C8orf34: variants seen among roughly 807,000 people sequenced by gnomAD.
The protein encoded by C8orf34 is uncharacterized protein C8orf34.
Under a neutral mutation model 68.3 loss-of-function variants are expected in C8orf34, and 65 were observed. The observed-to-expected ratio is 0.95, with a 90% CI of 0.78 to 1.17. The LOEUF is 1.17. Ranked by LOEUF, C8orf34 falls within the 50% of genes most tolerant of loss-of-function variation. C8orf34 has a pLI of 0.00. For missense variants in C8orf34, 664 were observed against 655.4 expected (o/e 1.01, Z -0.14); for synonymous variants, 244 against 241.2 (o/e 1.01, Z -0.11).
intron 7 of C8orf34, among the ~76,000 whole-genome samples, chr8:68,561,828 C>A (rs1816439697): frequency 6.6e-6 from 1 of 152,126 alleles, no homozygotes; most frequent in African/African-American, 2.4e-5. Flanking sequence ...CACACATTAG[C>A]CTGGGCCTAC....
At chr8:68,727,004 G>A (rs1821849240) in intron 10 of C8orf34, among the ~76,000 whole-genome samples, 3 of 152,058 alleles carry the variant, frequency 2.0e-5, no homozygotes, top group African/African-American at 7.2e-5. Context: ...CACCTTCCCA[G>A]CAGTGCCCCA....
At chr8:68,467,158 A>G (rs1202172672) in intron 3 of C8orf34, among the ~76,000 whole-genome samples, 1 of 151,960 alleles carries the variant, frequency 6.6e-6, no homozygotes, top group Non-Finnish European at 1.5e-5. Flanking sequence ...CTTGTGCTCC[A>G]AACTCTAACC....
intron 7 of C8orf34, among the ~76,000 whole-genome samples, chr8:68,585,308 CA>C (rs200411665): frequency 0.032 from 4,813 of 151,026 alleles, 98 homozygotes; most frequent in Non-Finnish European, 0.048. Context: ...AACCAAAAAC[CA>C]AAAAAAAGCT....
chr8:68,760,731 G>T (rs991587249), intron 10 of C8orf34, among the ~76,000 whole-genome samples: 4 of 152,060 alleles, frequency 2.6e-5, no homozygotes, highest in African/African-American at 9.7e-5. Context: ...TTACACTGAG[G>T]TTTAATGTAA....
rs537424147 is a variant in C8orf34, at chr8:68,596,510, A to G, written c.1106-43866A>G. 2.6e-5 allele frequency among the ~76,000 whole-genome samples: 4 copies of G among 152,312 alleles called. No individual in the cohort carries two copies. In the South Asian group the frequency reaches 6.2e-4, roughly 24 times the overall value. Reference sequence around the variant, plus strand: ...ACAATGTTGTGTGTTCTCGCAGAACACATGAGACTCCTGTATTAGAGACAA... The same window carrying G: ...ACAATGTTGTGTGTTCTCGCAGAACGCATGAGACTCCTGTATTAGAGACAA... On this transcript the variant is annotated intron_variant, in intron 7 of 13. Coordinates refer to ENST00000518698, the MANE Select transcript of C8orf34 (RefSeq NM_052958.4).
intron 1 of C8orf34, among the ~76,000 whole-genome samples, chr8:68,400,372 T>G (rs1232671193): frequency 6.6e-6 from 1 of 152,080 alleles, no homozygotes; most frequent in Non-Finnish European, 1.5e-5. Flanking sequence ...CTAGTTTCAT[T>G]CTTCTGCATG....
chr8:68,667,161 T>C lies in C8orf34; in HGVS notation c.1241+26650T>C, dbSNP rs555704326. On this transcript the variant is annotated intron_variant, in intron 8 of 13. Coordinates refer to ENST00000518698, the MANE Select transcript of C8orf34 (RefSeq NM_052958.4). ...CCTATTTATTTAAAGCCTTGTTAGT[T>C]TTGAAACAATGAAGTCAAAGAGTTT... Among the ~76,000 whole-genome samples the C allele has an allele frequency of 4.3e-4, 66 of 152,310 alleles. No homozygotes were observed. The Middle Eastern group carries it at 0.01, about 24-fold the overall frequency.
chr8:68,698,356 G>A (rs1820895263), intron 8 of C8orf34, among the ~76,000 whole-genome samples: 1 of 152,030 alleles, frequency 6.6e-6, no homozygotes, highest in African/African-American at 2.4e-5. Context: ...AAGCAAAGAA[G>A]GGAACTTAAA....
intron 3 of C8orf34, among the ~76,000 whole-genome samples, chr8:68,460,237 G>A (rs1313235292): frequency 6.6e-6 from 1 of 152,196 alleles, no homozygotes; most frequent in African/African-American, 2.4e-5. Flanking sequence ...GAGGCTGGGG[G>A]AGGGGCGCCC....
intron 1 of C8orf34, among the ~76,000 whole-genome samples, chr8:68,420,227 G>A (rs1809901048): frequency 6.6e-6 from 1 of 150,896 alleles, no homozygotes; most frequent in Non-Finnish European, 1.5e-5. Context: ...TGGAGACTAG[G>A]GACTGTCAGG....
At chr8:68,492,514 T>C (rs533392182) in intron 5 of C8orf34, among the ~76,000 whole-genome samples, 1 of 152,250 alleles carries the variant, frequency 6.6e-6, no homozygotes, top group South Asian at 2.1e-4. Context: ...TGAGCCACCA[T>C]GCCAGGCTCA....
chr8:68,346,003 T>TGG (rs1439739643), intron 1 of C8orf34, among the ~76,000 whole-genome samples: 1 of 152,142 alleles, frequency 6.6e-6, no homozygotes, highest in African/African-American at 2.4e-5. Context: ...CACATCTTGC[T>TGG]CCACCCTGTC....
At chr8:68,664,210 C>T (rs1819770408) in intron 8 of C8orf34, among the ~76,000 whole-genome samples, 2 of 152,174 alleles carry the variant, frequency 1.3e-5, no homozygotes, top group African/African-American at 4.8e-5. Flanking sequence ...TGTGTGTGTA[C>T]ACTCCTTGTC....
At chr8:68,751,886 A>T (rs979080176) in intron 10 of C8orf34, among the ~76,000 whole-genome samples, 7 of 151,362 alleles carry the variant, frequency 4.6e-5, no homozygotes, top group Non-Finnish European at 7.4e-5. Context: ...TTAAAAAATT[A>T]TTATATTACA....
chr8:68,776,285 G>T (rs1823515271), intron 10 of C8orf34, 114 bp from the exon 11 acceptor site: 1 of 751,148 alleles, frequency 1.3e-6, no homozygotes, highest in South Asian at 1.6e-5. Context: ...AACTGAAAAG[G>T]TGGGAGAATA....
intron 7 of C8orf34, among the ~76,000 whole-genome samples, chr8:68,613,688 A>G (rs1442184467): frequency 4.0e-5 from 6 of 151,604 alleles, no homozygotes; most frequent in Admixed American, 2.0e-4. Flanking sequence ...CCAGTCTATC[A>G]TTGTTGGACA....
intron 1 of C8orf34, among the ~76,000 whole-genome samples, chr8:68,416,990 G>A (rs1055414717): frequency 3.9e-5 from 6 of 152,072 alleles, no homozygotes; most frequent in Non-Finnish European, 8.8e-5. Flanking sequence ...CCCAGGAAGA[G>A]AAAAGGATGG....
At chr8:68,562,660 C>T (rs914126596) in intron 7 of C8orf34, among the ~76,000 whole-genome samples, 1 of 152,088 alleles carries the variant, frequency 6.6e-6, no homozygotes, top group African/African-American at 2.4e-5. Flanking sequence ...TGTAAAAGGA[C>T]TTATTGCATG....
At position 68,462,660 on chromosome 8, in the gene C8orf34, T is replaced by A. The variant is rs565086809; in HGVS notation, c.608-6032T>A. Among the ~76,000 whole-genome samples the A allele has an allele frequency of 3.9e-5, 6 of 151,942 alleles. No homozygotes were observed. In the South Asian group the frequency reaches 1.0e-3, roughly 26 times the overall value. On this transcript the variant is annotated intron_variant, in intron 3 of 13. Transcript: ENST00000518698. Reference sequence around the variant, plus strand: ...ACTCACTCAAAACCACTCAACTACATGGAAACTGAACAACCTGCTCCTGAA... The same window carrying A: ...ACTCACTCAAAACCACTCAACTACAAGGAAACTGAACAACCTGCTCCTGAA...
Sources: gnomAD v4.1 joint callset for allele counts (sites outside exome capture counted in the v4.1 genomes callset) on GRCh38, gnomAD v4.1.1 for gene constraint, MANE v1.5 for transcripts, NCBI Gene and HGNC (gene_info 2026-07-23, HGNC 2026-07-21) for gene names.